GRM7: variants seen among roughly 807,000 people sequenced by gnomAD.
GRM7 encodes the protein metabotropic glutamate receptor 7.
A neutral mutation model predicts 84.5 loss-of-function variants in GRM7; 35 were observed. The ratio of observed to expected loss-of-function variants is 0.41; its 90% CI spans 0.32 to 0.55. The LOEUF (loss-of-function observed/expected upper bound fraction) is 0.55, where lower values mean the gene tolerates loss of function less well. Ranked by LOEUF, GRM7 falls within the 20% of genes least tolerant of loss-of-function variation. The pLI, the probability that GRM7 is intolerant of heterozygous loss-of-function variation, is 0.19. For missense variants in GRM7, 1,003 were observed against 1,194.6 expected (o/e 0.84, Z 2.36); for synonymous variants, 487 against 455.1 (o/e 1.07, Z -0.89).
chr3:7,579,755 A>G (rs550847989), intron 8 of GRM7, among the ~76,000 whole-genome samples: 1 of 152,312 alleles, frequency 6.6e-6, no homozygotes, highest in African/African-American at 2.4e-5. Flanking sequence ...TGTGATGGTC[A>G]TTACTATCAC....
Position 7,740,550 on chromosome 3 carries a change from C to T in GRM7, c.*144C>T, listed in dbSNP as rs529305286. 2.2e-5 allele frequency: 11 copies of T among 497,932 alleles called. No individual in the cohort carries two copies. Among genetic ancestry groups the T allele is most frequent in the African/African-American group, 8.1e-5 (4 of 49,430 alleles). The allele number at this position is 497,932 out of a possible 1,614,324, so 30.8% of individuals were successfully genotyped here. A position where few individuals can be genotyped will look rare whatever the true frequency, so the allele number is the denominator to read the frequency against. The stretch of plus-strand genomic sequence containing the variant: ...GGAGACCAGTGTTAGAGGATCCAAG[C>T]GACCTAAACAGCTGCTTTATGAAAT... On this transcript the variant is annotated 3_prime_UTR_variant, in exon 10 of 10. Coordinates refer to ENST00000357716, the MANE Select transcript of GRM7 (RefSeq NM_000844.4).
intron 2 of GRM7, among the ~76,000 whole-genome samples, chr3:7,201,391 G>A (rs528909469): frequency 2.6e-5 from 4 of 152,018 alleles, no homozygotes; most frequent in East Asian, 1.9e-4. Context: ...CTTATCAAAG[G>A]TGTTTATATA....
intron 4 of GRM7, among the ~76,000 whole-genome samples, chr3:7,323,872 T>A (rs1559235745): frequency 1.3e-5 from 2 of 152,184 alleles, no homozygotes. Flanking sequence ...GAGCTATAAT[T>A]TGATCTACTA....
At chr3:7,525,328 G>T (rs1385685793) in intron 7 of GRM7, among the ~76,000 whole-genome samples, 1 of 152,060 alleles carries the variant, frequency 6.6e-6, no homozygotes, top group African/African-American at 2.4e-5. Flanking sequence ...AAAATACAGT[G>T]TATTGGGTTC....
chr3:7,341,728 T>G (rs1472290167), intron 4 of GRM7, among the ~76,000 whole-genome samples: 1 of 152,174 alleles, frequency 6.6e-6, no homozygotes, highest in Non-Finnish European at 1.5e-5. Flanking sequence ...ATTGGGTGTT[T>G]ACTATGTGTT....
At chr3:7,038,982 A>G (rs1409556583) in intron 1 of GRM7, among the ~76,000 whole-genome samples, 2 of 152,170 alleles carry the variant, frequency 1.3e-5, no homozygotes, top group East Asian at 1.9e-4. Flanking sequence ...CTCAGGCTCC[A>G]TCCCAGACCT....
intron 8 of GRM7, among the ~76,000 whole-genome samples, chr3:7,654,703 A>AT (rs1559467207): frequency 6.6e-6 from 1 of 152,232 alleles, no homozygotes; most frequent in Admixed American, 6.5e-5. Flanking sequence ...TGAGGTTGAT[A>AT]TCACAGCACT....
intron 7 of GRM7, among the ~76,000 whole-genome samples, chr3:7,464,097 T>C (rs368942698): frequency 6.6e-6 from 1 of 152,174 alleles, no homozygotes; most frequent in Non-Finnish European, 1.5e-5. Flanking sequence ...CGGGCCCTGC[T>C]CTCAGATAAC....
intron 2 of GRM7, among the ~76,000 whole-genome samples, chr3:7,280,251 A>C (rs1342049767): frequency 6.6e-6 from 1 of 152,218 alleles, no homozygotes; most frequent in Non-Finnish European, 1.5e-5. Context: ...TACCAGGACT[A>C]GATGGAAAGT....
At position 7,378,176 on chromosome 3, in the gene GRM7, C is replaced by G. The variant is rs548002698; in HGVS notation, c.1034-36847C>G. ...GCACAGCCCGGGAAGAGACAATACA[C>G]TCCTAGATTTCTAGAGAAAAATATT... is the stretch of plus-strand genomic sequence containing the variant. On this transcript the variant is annotated intron_variant, in intron 4 of 9. Transcript: ENST00000357716. Among the ~76,000 whole-genome samples, 27 of 152,270 alleles carry G rather than the reference C, an allele frequency of 1.8e-4. 1 individual carries two copies. The East Asian group carries it at 3.9e-3, about 22-fold the overall frequency.
intron 7 of GRM7, among the ~76,000 whole-genome samples, chr3:7,514,202 AAC>A (rs1700301665): frequency 6.6e-6 from 1 of 152,258 alleles, no homozygotes; most frequent in Non-Finnish European, 1.5e-5. Context: ...AAATAATTGT[AAC>A]ACATCCTATA....
At chr3:7,038,802 G>A (rs373190068) in intron 1 of GRM7, among the ~76,000 whole-genome samples, 3 of 152,148 alleles carry the variant, frequency 2.0e-5, no homozygotes, top group Non-Finnish European at 2.9e-5. Context: ...TTTTAATAAC[G>A]TTTTCAAGGG....
intron 9 of GRM7, among the ~76,000 whole-genome samples, chr3:7,714,642 C>A (rs901439101): frequency 2.6e-5 from 4 of 151,744 alleles, no homozygotes; most frequent in African/African-American, 9.7e-5. Context: ...GTTTGCTCTC[C>A]CAATCTGCCT....
At chr3:6,886,050 C>G (rs1695680192) in intron 1 of GRM7, among the ~76,000 whole-genome samples, 1 of 151,910 alleles carries the variant, frequency 6.6e-6, no homozygotes, top group African/African-American at 2.4e-5. Flanking sequence ...GAATGTTTAC[C>G]ACAATCTAAA....
chr3:6,936,899 A>T (rs2125051645), intron 1 of GRM7, among the ~76,000 whole-genome samples: 1 of 152,332 alleles, frequency 6.6e-6, no homozygotes, highest in Non-Finnish European at 1.5e-5. Context: ...TCACCCTTGG[A>T]CCTAAATCTT....
rs552038360 is a variant in GRM7 at position 7,614,553 on chromosome 3, T to G, written c.2451+35196T>G. Among the ~76,000 whole-genome samples, 10 of 152,338 alleles carry G rather than the reference T, an allele frequency of 6.6e-5. 1 individual carries two copies. In the South Asian group the frequency reaches 1.9e-3, roughly 28 times the overall value. ...CATATAGTTGGGTTTGATTTTATAA[T>G]CTAGTCAGTAAACTTAATATTTTAC... is the stretch of plus-strand genomic sequence containing the variant. On this transcript the variant is annotated intron_variant, in intron 8 of 9. Transcript: ENST00000357716.
At chr3:7,192,752 C>G (rs1456900080) in intron 2 of GRM7, among the ~76,000 whole-genome samples, 1 of 152,100 alleles carries the variant, frequency 6.6e-6, no homozygotes, top group Admixed American at 6.6e-5. Context: ...ACCTTTTCTG[C>G]TTTTCTTCAC....
chr3:6,953,417 G>A (rs909132525), intron 1 of GRM7, among the ~76,000 whole-genome samples: 38 of 152,298 alleles, frequency 2.5e-4, no homozygotes, highest in African/African-American at 8.9e-4. Context: ...AGGCAAGCAA[G>A]CTCTCTGCTG....
chr3:7,341,659 C>A (rs1354667450), intron 4 of GRM7, among the ~76,000 whole-genome samples: 1 of 152,044 alleles, frequency 6.6e-6, no homozygotes, highest in Non-Finnish European at 1.5e-5. Flanking sequence ...AAACTGTTTT[C>A]CAATAGCACT....
Sources: gnomAD v4.1 joint callset for allele counts (sites outside exome capture counted in the v4.1 genomes callset) on GRCh38, gnomAD v4.1.1 for gene constraint, MANE v1.5 for transcripts, NCBI Gene and HGNC (gene_info 2026-07-23, HGNC 2026-07-21) for gene names.